The following SCEL variants were observed in gnomAD, a reference collection of about 807,000 sequenced individuals.
The protein encoded by SCEL is sciellin.
In SCEL, 113 loss-of-function variants were observed where a neutral mutation model predicts 117.6. That is an observed-to-expected ratio of 0.96 (90% confidence interval 0.83 to 1.12). The LOEUF is 1.12. Ranked by LOEUF, SCEL falls within the 50% of genes most tolerant of loss-of-function variation. The pLI is 0.00. For missense variants in SCEL, 785 were observed against 810.8 expected, an observed-to-expected ratio of 0.97 and a Z score of 0.39; for synonymous variants, 270 against 256.2, an observed-to-expected ratio of 1.05 and a Z score of -0.51.
intron 28 of SCEL, among the ~76,000 whole-genome samples, chr13:77,632,513 T>C (rs1306907348): frequency 1.3e-5 from 2 of 152,224 alleles, no homozygotes; most frequent in East Asian, 3.9e-4. Context: ...CACCTGTATG[T>C]TTTGTGAAAC....
At chr13:77,616,846 G>A (rs1432615751) in intron 24 of SCEL, among the ~76,000 whole-genome samples, 3 of 151,542 alleles carry the variant, frequency 2.0e-5, no homozygotes, top group South Asian at 2.1e-4. Flanking sequence ...AGATGGTACT[G>A]GAAGCAGGTT....
At chr13:77,580,292 G>A (rs1005321431) in intron 9 of SCEL, among the ~76,000 whole-genome samples, 14 of 152,184 alleles carry the variant, frequency 9.2e-5, no homozygotes, top group African/African-American at 3.4e-4. Flanking sequence ...CTGCCCGAAA[G>A]CCTGATGCAA....
At chr13:77,639,919 T>TC (rs1159416647) in intron 30 of SCEL, among the ~76,000 whole-genome samples, 8 of 152,190 alleles carry the variant, frequency 5.3e-5, no homozygotes, top group Non-Finnish European at 8.8e-5. Flanking sequence ...AAGGATCCTT[T>TC]CTTAAGGTTC....
At chr13:77,612,456 C>CTTTTTTTTTTTTTTT (rs71102764) in intron 22 of SCEL, among the ~76,000 whole-genome samples, 7 of 93,602 alleles carry the variant, frequency 7.5e-5, no homozygotes, top group Non-Finnish European at 1.3e-4. Context: ...TTTTTCTTTT[C>CTTTTTTTTTTTTTTT]TTTTTTTTTT....
chr13:77,545,298 A>G (rs868342049), intron 1 of SCEL, among the ~76,000 whole-genome samples: 5 of 152,232 alleles, frequency 3.3e-5, no homozygotes, highest in African/African-American at 9.7e-5. Flanking sequence ...TGAGGCTACC[A>G]AAGTGTCAAT....
At chr13:77,612,425 TAGAATC>T (rs1346675030) in intron 22 of SCEL, among the ~76,000 whole-genome samples, 1 of 150,038 alleles carries the variant, frequency 6.7e-6, no homozygotes, top group African/African-American at 2.4e-5. Flanking sequence ...CTGCATAACT[TAGAATC>T]AGAAAATAAC....
intron 1 of SCEL, among the ~76,000 whole-genome samples, chr13:77,554,445 A>G (rs916471551): frequency 6.6e-6 from 1 of 152,178 alleles, no homozygotes; most frequent in African/African-American, 2.4e-5. Flanking sequence ...CTGACATTCC[A>G]GAAACAGACC....
chr13:77,629,852 C>T (rs1001223698), intron 28 of SCEL, among the ~76,000 whole-genome samples: 4 of 152,128 alleles, frequency 2.6e-5, no homozygotes, highest in African/African-American at 7.2e-5. Flanking sequence ...CCAGCAAGGC[C>T]TGTGTCCCTA....
intron 28 of SCEL, among the ~76,000 whole-genome samples, chr13:77,631,978 A>G (rs991114154): frequency 6.6e-6 from 1 of 152,194 alleles, no homozygotes; most frequent in African/African-American, 2.4e-5. Context: ...GCAGATGGCC[A>G]CCTTCTCACT....
rs143528261 is a variant in SCEL at position 77,608,381 on chromosome 13, C to G, written c.1217+266C>G. Among the ~76,000 whole-genome samples the G allele has an allele frequency of 4.2e-3, 640 of 152,300 alleles. 3 individuals carry two copies. The highest frequency in any genetic ancestry group is 0.014 in the African/African-American group (600 of 41,546). On this transcript the variant is annotated intron_variant, in intron 20 of 32. Transcript: ENST00000349847. ...TTGGGAGGCCAAGGTGGGCGGATTA[C>G]TTGAGGTCAGGAGTTCAAGTCCAGC...
At chr13:77,608,370 T>C (rs2088384331) in intron 20 of SCEL, among the ~76,000 whole-genome samples, 1 of 152,112 alleles carries the variant, frequency 6.6e-6, no homozygotes, top group Non-Finnish European at 1.5e-5. Context: ...GAGGCCAAGG[T>C]GGGCGGATTA....
At chr13:77,644,015 T>A (rs2090684404) in intron 32 of SCEL, among the ~76,000 whole-genome samples, 1 of 152,138 alleles carries the variant, frequency 6.6e-6, no homozygotes, top group South Asian at 2.1e-4. Context: ...AGGCATTGCA[T>A]GTTTTATAAT....
intron 1 of SCEL, among the ~76,000 whole-genome samples, chr13:77,548,357 C>T (rs1345731057): frequency 1.3e-5 from 2 of 152,134 alleles, no homozygotes; most frequent in Non-Finnish European, 2.9e-5. Context: ...TAAGATGTCA[C>T]CTGTTCAGGC....
intron 2 of SCEL, 124 bp from the exon 3 acceptor site, chr13:77,556,472 C>T: frequency 1.3e-6 from 1 of 759,290 alleles, no homozygotes; most frequent in Non-Finnish European, 2.3e-6. Flanking sequence ...TGAAACAGTA[C>T]TGGACTTGCC....
At chr13:77,584,830 T>C (rs919170209) in intron 9 of SCEL, among the ~76,000 whole-genome samples, 1 of 152,200 alleles carries the variant, frequency 6.6e-6, no homozygotes, top group African/African-American at 2.4e-5. Context: ...TATCACTTGA[T>C]GCATACACCC....
Position 77,640,696 on chromosome 13 carries a change from T to C in SCEL, c.1859T>C (p.Met620Thr), listed in dbSNP as rs773057269. The change falls in exon 31 of 33, where the codon ATG (methionine) becomes ACG (threonine). Residue 620 changes from methionine (M) to threonine (T), a missense_variant. Transcript: ENST00000349847. Reference sequence around the variant, plus strand: ...TATAGGTCTGTCATTGAAAGAGATATGTGCACTTACTGCCGAAAACCCTTG... The same window carrying C: ...TATAGGTCTGTCATTGAAAGAGATACGTGCACTTACTGCCGAAAACCCTTG... ...TSDRSVIERD[M>T]CTYCRKPLGV... 3.1e-6 allele frequency: 5 copies of C among 1,594,082 alleles called. No homozygotes were observed. Among genetic ancestry groups the C allele is most frequent in the Non-Finnish European group, 4.3e-6 (5 of 1,166,708 alleles).
intron 9 of SCEL, among the ~76,000 whole-genome samples, chr13:77,578,610 C>T (rs914352688): frequency 6.6e-6 from 1 of 152,102 alleles, no homozygotes; most frequent in Non-Finnish European, 1.5e-5. Context: ...GAGATCAGGT[C>T]CCCAAAGGGA....
intron 4 of SCEL, among the ~76,000 whole-genome samples, chr13:77,563,404 C>G (rs2085096745): frequency 6.6e-6 from 1 of 152,046 alleles, no homozygotes; most frequent in African/African-American, 2.4e-5. Flanking sequence ...GTCCATGGTG[C>G]TGGTTTATGG....
chr13:77,636,801 C>T (rs2090299619), intron 29 of SCEL, among the ~76,000 whole-genome samples: 2 of 152,136 alleles, frequency 1.3e-5, no homozygotes, highest in South Asian at 4.1e-4. Context: ...ATCTACTTTA[C>T]ATTCTGTGTA....
Sources: allele counts gnomAD v4.1 joint callset (sites outside exome capture counted in the v4.1 genomes callset), GRCh38; gene constraint gnomAD v4.1.1; transcripts MANE v1.5; gene names NCBI Gene and HGNC (gene_info 2026-07-23, HGNC 2026-07-21).